Variants in PDIA5 observed in about 807,000 individuals in gnomAD.
PDIA5 encodes the protein protein disulfide-isomerase A5.
PDIA5 carries 58 observed loss-of-function variants against 77.6 expected under a neutral mutation model. The observed-to-expected ratio is 0.75, with a 90% confidence interval of 0.61 to 0.93. The LOEUF (loss-of-function observed/expected upper bound fraction) is 0.93. Among genes scored for constraint, PDIA5 ranks in the 40% least tolerant of loss-of-function variants. PDIA5 has a pLI of 0.00. For missense variants in PDIA5, 630 were observed against 647.7 expected (o/e 0.97, Z 0.30); for synonymous variants, 250 against 252.1 (o/e 0.99, Z 0.08).
chr3:123,131,595 C>T (rs75288390), intron 11 of PDIA5, among the ~76,000 whole-genome samples: 2,115 of 149,024 alleles, frequency 0.014, 60 homozygotes, highest in African/African-American at 0.05. Context: ...TGCAGATCAT[C>T]CAGCATCTAG....
At chr3:123,075,055 C>T (rs1010771365) in intron 1 of PDIA5, among the ~76,000 whole-genome samples, 25 of 152,004 alleles carry the variant, frequency 1.6e-4, no homozygotes, top group Non-Finnish European at 2.1e-4. Flanking sequence ...AGATTATTGC[C>T]CTGAAGGACA....
At chr3:123,133,581 T>A (rs1935420559) in intron 11 of PDIA5, among the ~76,000 whole-genome samples, 1 of 152,232 alleles carries the variant, frequency 6.6e-6, no homozygotes. Context: ...AGGATGGAGC[T>A]ACCCTGAGGG....
At chr3:123,070,372 C>T (rs554950989) in intron 1 of PDIA5, among the ~76,000 whole-genome samples, 6 of 152,284 alleles carry the variant, frequency 3.9e-5, no homozygotes, top group African/African-American at 1.4e-4. Flanking sequence ...ATGACTTCTG[C>T]TTCTTTGCTT....
At chr3:123,148,251 G>A (rs1015749071) in intron 13 of PDIA5, among the ~76,000 whole-genome samples, 2 of 152,116 alleles carry the variant, frequency 1.3e-5, no homozygotes, top group Non-Finnish European at 2.9e-5. Context: ...CTCAGCACAG[G>A]ACATGATGTG....
At chr3:123,098,932 A>C in intron 3 of PDIA5, among the ~76,000 whole-genome samples, 1 of 152,184 alleles carries the variant, frequency 6.6e-6, no homozygotes, top group East Asian at 1.9e-4. Context: ...AGATCAATTA[A>C]TTGTACTTAA....
intron 11 of PDIA5, among the ~76,000 whole-genome samples, chr3:123,135,873 T>TA (rs1316510353): frequency 4.6e-5 from 7 of 150,818 alleles, no homozygotes; most frequent in Admixed American, 2.6e-4. Flanking sequence ...TTTTTTTTTT[T>TA]AATCACATGT....
intron 11 of PDIA5, among the ~76,000 whole-genome samples, chr3:123,143,101 C>T (rs911768720): frequency 1.3e-5 from 2 of 152,050 alleles, no homozygotes; most frequent in African/African-American, 4.8e-5. Flanking sequence ...GAGTCACCAT[C>T]TGGGGCTGGG....
At chr3:123,072,043 A>G (rs935850284) in intron 1 of PDIA5, among the ~76,000 whole-genome samples, 1 of 137,782 alleles carries the variant, frequency 7.3e-6, no homozygotes, top group Non-Finnish European at 1.6e-5. Context: ...GGGGGACTCG[A>G]TTCTGTAGGT....
intron 11 of PDIA5, among the ~76,000 whole-genome samples, chr3:123,131,924 G>C (rs1400925098): frequency 6.6e-6 from 1 of 152,020 alleles, no homozygotes; most frequent in African/African-American, 2.4e-5. Context: ...GTGCCTCATG[G>C]AGCAGGGCTG....
chr3:123,137,772 C>T (rs1036652868), intron 11 of PDIA5, among the ~76,000 whole-genome samples: 1 of 152,192 alleles, frequency 6.6e-6, no homozygotes, highest in Non-Finnish European at 1.5e-5. Flanking sequence ...ACAGCCTAAC[C>T]ACTGAGCCAT....
chr3:123,120,882 T>C (rs1576452130), intron 8 of PDIA5, among the ~76,000 whole-genome samples: 1 of 151,552 alleles, frequency 6.6e-6, no homozygotes, highest in Non-Finnish European at 1.5e-5. Flanking sequence ...CCACCAGCCC[T>C]GTCCAGTGGG....
chr3:123,142,827 G>A (rs141871358), intron 11 of PDIA5, among the ~76,000 whole-genome samples: 5 of 152,240 alleles, frequency 3.3e-5, no homozygotes, highest in East Asian at 3.9e-4. Flanking sequence ...GCATGGGGAC[G>A]TCCTCATTTC....
chr3:123,067,367 G>A, intron 1 of PDIA5, 161 bp downstream of exon 1: 1 of 598,320 alleles, frequency 1.7e-6, no homozygotes, highest in Non-Finnish European at 2.4e-6. Context: ...GTGCTACGCG[G>A]GAGACAGCGG....
intron 14 of PDIA5, among the ~76,000 whole-genome samples, chr3:123,153,547 T>TGTG (rs1935958527): frequency 6.6e-6 from 1 of 152,266 alleles, no homozygotes; most frequent in African/African-American, 2.4e-5. Flanking sequence ...TGAGCTAGGC[T>TGTG]GTGCTAGGCA....
chr3:123,091,459 G>T (rs1396203927), intron 2 of PDIA5, among the ~76,000 whole-genome samples: 1 of 152,156 alleles, frequency 6.6e-6, no homozygotes, highest in Admixed American at 6.5e-5. Context: ...TGACTCAGGA[G>T]CCTGCTGGCC....
At chr3:123,096,798 A>G (rs538979332) in intron 3 of PDIA5, among the ~76,000 whole-genome samples, 17 of 152,234 alleles carry the variant, frequency 1.1e-4, no homozygotes, top group African/African-American at 4.1e-4. Flanking sequence ...CCGGCTGTTA[A>G]GCGGGTTGTG....
intron 11 of PDIA5, chr3:123,145,252 T>C (rs1935741056): frequency 2.5e-6 from 1 of 403,544 alleles, no homozygotes; most frequent in Admixed American, 4.3e-5. Context: ...GGGGTAGTTA[T>C]GAGGCTGTAA....
At chr3:123,114,306 G>A (rs994146926) in intron 7 of PDIA5, among the ~76,000 whole-genome samples, 6 of 152,200 alleles carry the variant, frequency 3.9e-5, no homozygotes, top group African/African-American at 1.4e-4. Flanking sequence ...CCCTCCTGGG[G>A]AGTGCAGCGA....
At chr3:123,107,455 C>A (rs944467156) in intron 6 of PDIA5, among the ~76,000 whole-genome samples, 1 of 152,018 alleles carries the variant, frequency 6.6e-6, no homozygotes, top group African/African-American at 2.4e-5. Flanking sequence ...CTCAGGAGGC[C>A]GAGGCAGGAG....
Sources: allele counts gnomAD v4.1 joint callset (sites outside exome capture counted in the v4.1 genomes callset), GRCh38; gene constraint gnomAD v4.1.1; transcripts MANE v1.5; gene names NCBI Gene and HGNC (gene_info 2026-07-23, HGNC 2026-07-21).